The following CENPN variants were observed in gnomAD, a reference collection of about 807,000 sequenced individuals.
CENPN encodes centromere protein N.
In CENPN, 36 loss-of-function variants were observed where a neutral mutation model predicts 48.6. That is an observed-to-expected ratio of 0.74 (90% confidence interval 0.57 to 0.98). The LOEUF is 0.98. Ranked by LOEUF, CENPN falls within the 50% of genes least tolerant of loss-of-function variation. The probability of loss-of-function intolerance (pLI) is 0.00; values close to 1 mark genes in which losing one functional copy is unlikely to be tolerated. For missense variants in CENPN, 439 were observed against 399.2 expected, an observed-to-expected ratio of 1.10 and a Z score of -0.85; for synonymous variants, 166 against 135.2, an observed-to-expected ratio of 1.23 and a Z score of -1.58.
At chr16:81,025,687 C>T (rs1005784776) in intron 8 of CENPN, among the ~76,000 whole-genome samples, 1 of 4,372 alleles carries the variant, frequency 2.3e-4, no homozygotes. Flanking sequence ...GAGACCCTGT[C>T]TCTCTTTTTT....
At chr16:81,011,564 G>C (rs1009456855) in intron 1 of CENPN, among the ~76,000 whole-genome samples, 8 of 152,230 alleles carry the variant, frequency 5.3e-5, no homozygotes, top group African/African-American at 1.7e-4. Flanking sequence ...CAGAAAAGGA[G>C]AGATAGCACT....
intron 7 of CENPN, chr16:81,023,182 G>T (rs1970295499): frequency 3.2e-6 from 1 of 313,396 alleles, no homozygotes; most frequent in Non-Finnish European, 6.1e-6. Flanking sequence ...GACAAATACA[G>T]ATCTGTCCTT....
chr16:81,019,478 A>G (rs1288595184), intron 5 of CENPN, among the ~76,000 whole-genome samples: 3 of 151,776 alleles, frequency 2.0e-5, no homozygotes, highest in Non-Finnish European at 2.9e-5. Context: ...TCAGCCTCCC[A>G]AAGTGCTAGG....
intron 3 of CENPN, 124 bp downstream of exon 3, chr16:81,014,305 G>A: frequency 1.4e-6 from 1 of 733,640 alleles, no homozygotes; most frequent in Non-Finnish European, 2.4e-6. Context: ...CGCCATCTCA[G>A]CTCACCGCGA....
intron 5 of CENPN, among the ~76,000 whole-genome samples, chr16:81,018,139 GC>G (rs1970009154): frequency 6.6e-6 from 1 of 151,886 alleles, no homozygotes. Context: ...CTGAGCACTT[GC>G]GGCTAGTGTG....
chr16:81,032,906 C>T, downstream of CENPN: 1 of 440,134 alleles, frequency 2.3e-6, no homozygotes, highest in Non-Finnish European at 4.0e-6. Flanking sequence ...GTGCTTCTAG[C>T]TCTAAGGGGA....
rs371334121 is a variant in CENPN, at chr16:81,012,006, A to G, written c.67A>G (p.Thr23Ala). ...GAAAATCCCCATGAATGAACTGACA[A>G]CAATCCTGAAGGCCTGGGATTTTTT... ...ILKIPMNELT[T>A]ILKAWDFLSE... Residue 23 changes from threonine to alanine, a missense_variant, in exon 2 of 11, where the codon ACA (threonine) becomes GCA (alanine). By Grantham distance (58) the Thr-to-Ala change is moderately conservative. Coordinates refer to ENST00000305850, the MANE Select transcript of CENPN (RefSeq NM_001100624.3). 3.1e-6 allele frequency: 5 copies of G among 1,614,146 alleles called. No individual in the cohort carries two copies. The highest frequency in any genetic ancestry group is 2.2e-5 in the South Asian group (2 of 91,086).
At position 81,014,180 on chromosome 16, in the gene CENPN, T is replaced by C; in HGVS notation, c.216T>C (p.Ile72=). The C allele has an allele frequency of 6.2e-7, 1 of 1,612,418 alleles. No individual in the cohort carries two copies. Among genetic ancestry groups the C allele is most frequent in the Non-Finnish European group, 8.5e-7 (1 of 1,178,602 alleles). Residue 72 remains isoleucine, a splice_region_variant and synonymous_variant, in exon 3 of 11, where the codon ATT becomes ATC. Transcript: ENST00000305850. ...SISDAALLDI[I]YMQFHQHQKV... is the part of the protein sequence containing the mutation. The stretch of plus-strand genomic sequence containing the variant: ...GTGATGCTGCCCTGTTAGACATCAT[T>C]TGTAAGTGTCAGTGATTTGTATTTA...
chr16:81,015,745 C>A (rs988390765), intron 3 of CENPN, among the ~76,000 whole-genome samples: 4 of 152,200 alleles, frequency 2.6e-5, no homozygotes, highest in African/African-American at 9.6e-5. Flanking sequence ...GTGGCTCACA[C>A]CTGTAATCCC....
intron 5 of CENPN, among the ~76,000 whole-genome samples, chr16:81,019,585 G>C (rs553153826): frequency 6.6e-6 from 1 of 151,962 alleles, no homozygotes; most frequent in Admixed American, 6.6e-5. Context: ...TGCTAAGAAG[G>C]CTTCATTATA....
chr16:81,010,354 A>G (rs958514827), intron 1 of CENPN, among the ~76,000 whole-genome samples: 1 of 152,140 alleles, frequency 6.6e-6, no homozygotes, highest in Non-Finnish European at 1.5e-5. Flanking sequence ...AAAATGATAA[A>G]AGAGCTCAGA....
At chr16:81,020,639 C>T (rs374027298) in intron 6 of CENPN, 2 of 166,262 alleles carry the variant, frequency 1.2e-5, no homozygotes, top group African/African-American at 4.8e-5. Flanking sequence ...GTTTTTTGAT[C>T]TAGAAATAAT....
At chr16:81,014,268 T>C in intron 3 of CENPN, 87 bp downstream of exon 3, 1 of 1,132,140 alleles carries the variant, frequency 8.8e-7, no homozygotes, top group South Asian at 1.2e-5. Context: ...AGGGTCTCCC[T>C]CTGTCGCCCA....
chr16:81,027,934 A>T (rs1276671577), intron 9 of CENPN, among the ~76,000 whole-genome samples: 1 of 151,912 alleles, frequency 6.6e-6, no homozygotes, highest in Non-Finnish European at 1.5e-5. Context: ...CAAACTCCTA[A>T]CCTCAAGTGA....
downstream of CENPN, chr16:81,033,035 G>C (rs1036299472): frequency 5.9e-6 from 1 of 168,684 alleles, no homozygotes; most frequent in East Asian, 1.7e-4. Context: ...TTGGTTCAGA[G>C]CTCTAAAATG....
intron 1 of CENPN, among the ~76,000 whole-genome samples, chr16:81,008,454 C>T (rs1969579009): frequency 6.6e-6 from 1 of 152,044 alleles, no homozygotes; most frequent in South Asian, 2.1e-4. Context: ...TCACTGCAAC[C>T]TCCTCCTCCC....
Position 81,029,156 on chromosome 16 carries a change from C to G in CENPN, c.*505C>G. 1.0e-6 allele frequency: 1 copy of G among 985,050 alleles called. No individual in the cohort carries two copies. The highest frequency in any genetic ancestry group is 1.2e-6 in the Non-Finnish European group (1 of 829,684). The allele number at this position is 985,050 out of a possible 1,614,324, so 61.0% of individuals were successfully genotyped here. A position where few individuals can be genotyped will look rare whatever the true frequency, so the allele number is the denominator to read the frequency against. ...TTCAAAGGATGGAGTTGAGTCCATT[C>G]TGTTATTGTTGCAAGAGGTTGCATA... On this transcript the variant is annotated 3_prime_UTR_variant, in exon 11 of 11. Transcript: ENST00000305850.
chr16:81,022,580 C>G lies in CENPN; in HGVS notation c.532-17C>G. On this transcript the variant is annotated splice_polypyrimidine_tract_variant and intron_variant, in intron 6 of 10. Transcript: ENST00000305850. ...GGCAGTAATCCTAGTAATAGTCTTGCAAATTTTCATTTCAAGGCGCTGACA... is the reference window on the plus strand; with the variant it reads ...GGCAGTAATCCTAGTAATAGTCTTGGAAATTTTCATTTCAAGGCGCTGACA... 6.2e-7 allele frequency: 1 copy of G among 1,609,896 alleles called. No individual in the cohort carries two copies. Among genetic ancestry groups the G allele is most frequent in the South Asian group, 1.1e-5 (1 of 90,912 alleles).
chr16:81,032,178 A>G (rs1166923527), downstream of CENPN, among the ~76,000 whole-genome samples: 3 of 152,214 alleles, frequency 2.0e-5, no homozygotes, highest in Non-Finnish European at 4.4e-5. Flanking sequence ...AAAGAAACAC[A>G]GTTGCCTTCT....
Sources: gnomAD v4.1 joint callset for allele counts (sites outside exome capture counted in the v4.1 genomes callset) on GRCh38, gnomAD v4.1.1 for gene constraint, MANE v1.5 for transcripts, NCBI Gene and HGNC (gene_info 2026-07-23, HGNC 2026-07-21) for gene names.